The following RANBP2 variants were observed in gnomAD, a reference collection of about 807,000 sequenced individuals.
The protein encoded by RANBP2 is E3 SUMO-protein ligase RanBP2.
Under a neutral mutation model 303.6 loss-of-function variants are expected in RANBP2, and 57 were observed. The ratio of observed to expected loss-of-function variants is 0.19; its 90% confidence interval spans 0.15 to 0.23. RANBP2 has a LOEUF of 0.23. RANBP2 is among the 10% of genes least tolerant of loss of function. The pLI is 1.00. For missense variants in RANBP2, 3,138 were observed against 3,780.8 expected (o/e 0.83, Z 4.46); for synonymous variants, 1,167 against 1,301.5 (o/e 0.90, Z 2.23).
intron 8 of RANBP2, among the ~76,000 whole-genome samples, chr2:108,748,663 T>G (rs1276429294): frequency 1.3e-5 from 2 of 152,160 alleles, no homozygotes; most frequent in Admixed American, 1.3e-4. Flanking sequence ...AATGCAAATA[T>G]GTTTGGCATT....
the RANBP2 span, among the ~76,000 whole-genome samples, chr2:108,819,216 T>A: frequency 6.6e-6 from 1 of 152,076 alleles, no homozygotes. Context: ...GGCTAAAACA[T>A]TAAAAAGAAG....
At chr2:109,724,827 C>T in the RANBP2 span, among the ~76,000 whole-genome samples, 10 of 152,216 alleles carry the variant, frequency 6.6e-5, no homozygotes, top group Non-Finnish European at 4.4e-5. Flanking sequence ...ATGGTCTTTA[C>T]TTCTGAGACT....
At chr2:108,805,631 G>T in the RANBP2 span, among the ~76,000 whole-genome samples, 2 of 152,084 alleles carry the variant, frequency 1.3e-5, no homozygotes, top group Non-Finnish European at 2.9e-5. Flanking sequence ...GGAGGCTGAG[G>T]CAGGAGAATG....
At chr2:109,445,783 T>C in the RANBP2 span, among the ~76,000 whole-genome samples, 1 of 151,956 alleles carries the variant, frequency 6.6e-6, no homozygotes, top group Non-Finnish European at 1.5e-5. Context: ...TTGTGGGAGT[T>C]CCATTTCATC....
chr2:108,790,408 C>A (rs973662475), downstream of RANBP2, among the ~76,000 whole-genome samples: 1 of 152,106 alleles, frequency 6.6e-6, no homozygotes, highest in African/African-American at 2.4e-5. Flanking sequence ...TAGTTGTGAT[C>A]TGGTCTGAAA....
chr2:109,571,274 T>G, the RANBP2 span, among the ~76,000 whole-genome samples: 1 of 152,226 alleles, frequency 6.6e-6, no homozygotes, highest in Non-Finnish European at 1.5e-5. Flanking sequence ...TTTATAGCAA[T>G]GCGAGAACGG....
chr2:109,112,595 C>T, the RANBP2 span, among the ~76,000 whole-genome samples: 2 of 151,510 alleles, frequency 1.3e-5, no homozygotes, highest in African/African-American at 4.8e-5. Context: ...CCTGTTCACT[C>T]TGATGGTAGT....
chr2:109,380,554 A>C, the RANBP2 span, among the ~76,000 whole-genome samples: 1 of 152,356 alleles, frequency 6.6e-6, no homozygotes, highest in African/African-American at 2.4e-5. Context: ...AAGACAGCTT[A>C]GTAAGTTTTT....
the RANBP2 span, among the ~76,000 whole-genome samples, chr2:109,414,546 C>T: frequency 6.6e-6 from 1 of 152,192 alleles, no homozygotes; most frequent in Non-Finnish European, 1.5e-5. Context: ...GCTACGGTCA[C>T]AAACACAGGT....
chr2:108,961,253 G>C, the RANBP2 span, among the ~76,000 whole-genome samples: 1 of 151,828 alleles, frequency 6.6e-6, no homozygotes, highest in Non-Finnish European at 1.5e-5. Context: ...TCAGGAAAGG[G>C]AACAGTTGCC....
chr2:109,588,798 T>TA, the RANBP2 span, among the ~76,000 whole-genome samples: 4 of 150,518 alleles, frequency 2.7e-5, no homozygotes, highest in Middle Eastern at 3.4e-3. Flanking sequence ...GCTAAAATAT[T>TA]ATATTATTTG....
chr2:109,589,909 C>T, the RANBP2 span, among the ~76,000 whole-genome samples: 1 of 151,894 alleles, frequency 6.6e-6, no homozygotes, highest in African/African-American at 2.4e-5. Flanking sequence ...ACTACTGATA[C>T]GTGTCACAAC....
chr2:108,958,418 A>AC, the RANBP2 span, among the ~76,000 whole-genome samples: 2 of 151,532 alleles, frequency 1.3e-5, no homozygotes, highest in African/African-American at 4.9e-5. Context: ...GGAAAAAAAA[A>AC]ACAAAAAACA....
At chr2:108,969,478 C>T in the RANBP2 span, among the ~76,000 whole-genome samples, 3 of 152,228 alleles carry the variant, frequency 2.0e-5, no homozygotes, top group African/African-American at 7.2e-5. Context: ...CCTCCAAAGG[C>T]ATACAGGTCC....
At chr2:109,349,039 C>CAT in the RANBP2 span, among the ~76,000 whole-genome samples, 10 of 152,054 alleles carry the variant, frequency 6.6e-5, no homozygotes, top group Admixed American at 1.3e-4. Context: ...CTCTCTCTCA[C>CAT]ACACACACGC....
the RANBP2 span, among the ~76,000 whole-genome samples, chr2:109,629,339 ATATATATATATATATATTTTTT>A: frequency 0.017 from 161 of 9,728 alleles, 4 homozygotes; most frequent in African/African-American, 0.064. Context: ...ATATATATAT[ATATATATATATATATATTTTTT>A]TTTTTTTTTT....
the RANBP2 span, among the ~76,000 whole-genome samples, chr2:109,485,256 T>A: frequency 6.9e-4 from 105 of 152,348 alleles, no homozygotes; most frequent in African/African-American, 2.5e-3. Flanking sequence ...CAGCCACCTG[T>A]CTCCACATGG....
At chr2:109,245,579 A>G in the RANBP2 span, among the ~76,000 whole-genome samples, 2 of 152,224 alleles carry the variant, frequency 1.3e-5, no homozygotes, top group African/African-American at 2.4e-5. Context: ...ATGTTATTAT[A>G]GGAACTTGGG....
chr2:109,043,782 T>A, the RANBP2 span, among the ~76,000 whole-genome samples: 8 of 152,294 alleles, frequency 5.3e-5, no homozygotes, highest in African/African-American at 1.9e-4. Context: ...GTTGAAGAAG[T>A]TGGATTTTAT....
Sources: allele counts gnomAD v4.1 joint callset (sites outside exome capture counted in the v4.1 genomes callset), GRCh38; gene constraint gnomAD v4.1.1; transcripts MANE v1.5; gene names NCBI Gene and HGNC (gene_info 2026-07-23, HGNC 2026-07-21).